The following ST14 variants were observed in gnomAD, a reference collection of about 807,000 sequenced individuals.
ST14 encodes suppressor of tumorigenicity 14 protein.
In ST14, 40 loss-of-function variants were observed where a neutral mutation model predicts 96.5. The observed-to-expected ratio is 0.41, with a 90% confidence interval of 0.32 to 0.54. The LOEUF (loss-of-function observed/expected upper bound fraction) is 0.54. Among genes scored for constraint, ST14 ranks in the 20% least tolerant of loss-of-function variants. The pLI is 0.17. For missense variants in ST14, 1,066 were observed against 1,188.9 expected (o/e 0.90, Z 1.52); for synonymous variants, 506 against 492.1 (o/e 1.03, Z -0.37).
At chr11:130,202,886 G>T (rs1340419804) in intron 16 of ST14, among the ~76,000 whole-genome samples, 6 of 152,158 alleles carry the variant, frequency 3.9e-5, no homozygotes, top group African/African-American at 1.4e-4. Context: ...ATCGAGAATT[G>T]TGCTTGGGAC....
Position 130,194,612 on chromosome 11 carries a change from T to A in ST14, c.1016-28T>A, listed in dbSNP as rs750018391. 1.9e-6 allele frequency: 3 copies of A among 1,612,432 alleles called. No homozygotes were observed. The South Asian group carries it at 3.3e-5, about 18-fold the overall frequency. The stretch of plus-strand genomic sequence containing the variant: ...GCTCGGCCGGGCAGGTTCCTGATCC[T>A]CTTGCTTTCTCCCACCTTCCCTCTC... On this transcript the variant is annotated intron_variant, in intron 8 of 18. Coordinates refer to ENST00000278742, the MANE Select transcript of ST14 (RefSeq NM_021978.4).
intron 16 of ST14, among the ~76,000 whole-genome samples, chr11:130,203,624 T>C (rs1010159989): frequency 1.3e-5 from 2 of 152,228 alleles, no homozygotes; most frequent in African/African-American, 4.8e-5. Context: ...CCATGCTCAG[T>C]GTGAGGGTTT....
intron 1 of ST14, among the ~76,000 whole-genome samples, chr11:130,175,474 G>C (rs1953127955): frequency 6.6e-6 from 1 of 151,978 alleles, no homozygotes; most frequent in South Asian, 2.1e-4. Flanking sequence ...CCGTCTCCCA[G>C]GTTCAAGTGA....
chr11:130,185,278 G>C (rs1953227155), intron 1 of ST14, among the ~76,000 whole-genome samples: 1 of 152,004 alleles, frequency 6.6e-6, no homozygotes, highest in African/African-American at 2.4e-5. Flanking sequence ...TCAATTGAAA[G>C]GTTAAAAATA....
intron 13 of ST14, 37 bp from the exon 14 acceptor site, chr11:130,198,471 G>T (rs199774052): frequency 2.5e-6 from 4 of 1,612,700 alleles, no homozygotes; most frequent in Admixed American, 1.7e-5. Context: ...GGCGACTGAC[G>T]GTGGCTCCTG....
chr11:130,163,072 T>C (rs1250347964), intron 1 of ST14, among the ~76,000 whole-genome samples: 2 of 152,160 alleles, frequency 1.3e-5, no homozygotes, highest in African/African-American at 4.8e-5. Flanking sequence ...GTTCAAATGA[T>C]GCAGCTTGAG....
At chr11:130,179,410 G>C (rs1953170340) in intron 1 of ST14, among the ~76,000 whole-genome samples, 1 of 152,218 alleles carries the variant, frequency 6.6e-6, no homozygotes, top group African/African-American at 2.4e-5. Context: ...TGGTTGGGGA[G>C]TGGGTGGGAG....
chr11:130,208,037 G>A (rs747927984), intron 16 of ST14, among the ~76,000 whole-genome samples: 37 of 152,082 alleles, frequency 2.4e-4, no homozygotes, highest in Non-Finnish European at 1.9e-4. Context: ...TGCCACCACC[G>A]CACTCCAGTC....
chr11:130,176,178 T>A (rs1953135807), intron 1 of ST14, among the ~76,000 whole-genome samples: 1 of 151,914 alleles, frequency 6.6e-6, no homozygotes. Context: ...TGGTGTAGTC[T>A]CCGTCCTCAC....
rs529293441 is a variant in ST14 at position 130,195,973 on chromosome 11, A to G, written c.1114-366A>G. ...GGAGTTTGAGACCAGCCTGACCAAC[A>G]TGGTGAAACCCCATCTCTACTAAAA... On this transcript the variant is annotated intron_variant, in intron 9 of 18. Coordinates refer to ENST00000278742, the MANE Select transcript of ST14 (RefSeq NM_021978.4). 1.2e-3 allele frequency among the ~76,000 whole-genome samples: 183 copies of G among 152,188 alleles called. 1 individual carries two copies. Among genetic ancestry groups the G allele is most frequent in the Non-Finnish European group, 2.2e-3 (151 of 68,018 alleles).
chr11:130,171,195 TG>T (rs1332104082), intron 1 of ST14, among the ~76,000 whole-genome samples: 1 of 152,228 alleles, frequency 6.6e-6, no homozygotes, highest in Non-Finnish European at 1.5e-5. Context: ...TGTGGATGTA[TG>T]GAAACACCAG....
intron 1 of ST14, among the ~76,000 whole-genome samples, chr11:130,162,695 T>A (rs1313584237): frequency 6.6e-6 from 1 of 152,224 alleles, no homozygotes; most frequent in Non-Finnish European, 1.5e-5. Flanking sequence ...AGGAAGACCC[T>A]AGACTCACAG....
Position 130,208,517 on chromosome 11 carries a change from C to T in ST14, c.2102C>T (p.Pro701Leu). The part of the protein sequence containing the change: ...ERRLKRIISH[P>L]FFNDFTFDYD... ...AGGCTCAAGCGCATCATCTCCCACCCCTTCTTCAATGACTTCACCTTCGAC... is the reference window on the plus strand; with the variant it reads ...AGGCTCAAGCGCATCATCTCCCACCTCTTCTTCAATGACTTCACCTTCGAC... Residue 701 changes from proline (P) to leucine (L), a missense_variant, in exon 17 of 19, where the codon CCC becomes CTC. Coordinates refer to ENST00000278742, the MANE Select transcript of ST14 (RefSeq NM_021978.4). 6.2e-7 allele frequency: 1 copy of T among 1,614,258 alleles called. No homozygotes were observed. The highest frequency in any genetic ancestry group is 1.3e-5 in the African/African-American group (1 of 75,084).
intron 1 of ST14, among the ~76,000 whole-genome samples, chr11:130,174,405 T>C (rs543815966): frequency 6.6e-6 from 1 of 151,654 alleles, no homozygotes; most frequent in South Asian, 2.1e-4. Context: ...CCCAGATAGC[T>C]GAAAGTGTGG....
Position 130,209,424 on chromosome 11 carries a change from G to T in ST14, c.2270-18G>T, listed in dbSNP as rs779608770. 23 of 1,571,830 alleles carry T rather than the reference G, an allele frequency of 1.5e-5. No individual in the cohort carries two copies. Among genetic ancestry groups the T allele is most frequent in the Non-Finnish European group, 2.0e-5 (23 of 1,158,808 alleles). ...TCGAAGCAGCCCGGCTCTCAGCCCCGTCCTGCCCTCTCCCCAGGCACTGGC... is the reference window on the plus strand; with the variant it reads ...TCGAAGCAGCCCGGCTCTCAGCCCCTTCCTGCCCTCTCCCCAGGCACTGGC... On this transcript the variant is annotated intron_variant, in intron 17 of 18. Coordinates refer to ENST00000278742, the MANE Select transcript of ST14 (RefSeq NM_021978.4).
chr11:130,199,894 G>T (rs1953409353), intron 15 of ST14, 57 bp from the exon 16 acceptor site: 2 of 1,606,558 alleles, frequency 1.2e-6, no homozygotes, highest in African/African-American at 2.7e-5. Flanking sequence ...ATGTCCCCTT[G>T]TGGTTTGATG....
chr11:130,166,922 A>C (rs1275136278), intron 1 of ST14, among the ~76,000 whole-genome samples: 1 of 152,234 alleles, frequency 6.6e-6, no homozygotes, highest in East Asian at 1.9e-4. Flanking sequence ...TAAGAATTTA[A>C]AAATGAGGCC....
At chr11:130,166,983 G>A (rs947868862) in intron 1 of ST14, among the ~76,000 whole-genome samples, 11 of 152,208 alleles carry the variant, frequency 7.2e-5, no homozygotes, top group East Asian at 1.9e-4. Flanking sequence ...GGCCAGGGCC[G>A]ATGGATCACT....
intron 1 of ST14, among the ~76,000 whole-genome samples, chr11:130,161,094 C>A (rs1052374681): frequency 6.6e-6 from 1 of 152,190 alleles, no homozygotes; most frequent in Non-Finnish European, 1.5e-5. Flanking sequence ...AGATCAATTC[C>A]TTTTGTCCAA....
Sources: allele counts gnomAD v4.1 joint callset (sites outside exome capture counted in the v4.1 genomes callset), GRCh38; gene constraint gnomAD v4.1.1; transcripts MANE v1.5; gene names NCBI Gene and HGNC (gene_info 2026-07-23, HGNC 2026-07-21).